ACOT11: variants seen among roughly 807,000 people sequenced by gnomAD.
ACOT11 encodes the protein acyl-coenzyme A thioesterase 11.
Under a neutral mutation model 77.5 loss-of-function variants are expected in ACOT11, and 69 were observed. The ratio of observed to expected loss-of-function variants is 0.89; its 90% CI spans 0.73 to 1.09. The LOEUF is 1.09. Among genes scored for constraint, ACOT11 ranks in the 50% least tolerant of loss-of-function variants. ACOT11 has a pLI of 0.00. For missense variants in ACOT11, 766 were observed against 813.7 expected, an observed-to-expected ratio of 0.94 and a Z score of 0.71; for synonymous variants, 279 against 313.0, an observed-to-expected ratio of 0.89 and a Z score of 1.15.
chr1:54,605,102 C>A lies in ACOT11; in HGVS notation c.1263C>A (p.Asp421Glu). Residue 421 changes from aspartate to glutamate, a missense_variant, in exon 13 of 16, where the codon GAC (aspartate) becomes GAA (glutamate). Physicochemically the swap from Asp to Glu is conservative, Grantham distance 45. Coordinates refer to ENST00000343744, the MANE Select transcript of ACOT11 (RefSeq NM_147161.4). ...TCCGCCTGTACACTCTGGAGGATGA[C>A]AAGTTCCTCTCCTTCCACATGGAGA... The part of the protein sequence containing the change: ...SQVRLYTLED[D>E]KFLSFHMEMV... The A allele has an allele frequency of 6.2e-7, 1 of 1,613,926 alleles. No individual in the cohort carries two copies. Among genetic ancestry groups the A allele is most frequent in the Non-Finnish European group, 8.5e-7 (1 of 1,180,018 alleles).
chr1:54,636,087 T>C (rs1370633265), exon 17 of ACOT11: 1 of 152,256 alleles, frequency 6.6e-6, no homozygotes, highest in East Asian at 1.9e-4. Flanking sequence ...TTAATATCTA[T>C]AGAAACAATG....
In ACOT11 at chr1:54,609,864, G is replaced by C; in HGVS notation, c.*752G>C. On this transcript the variant is annotated 3_prime_UTR_variant, in exon 16 of 16. Coordinates refer to ENST00000343744, the MANE Select transcript of ACOT11 (RefSeq NM_147161.4). ...TCCAGCGTCAGGATGTTGCCACTTG[G>C]AGTATGAACAATGGGCACGGGGTTT... 6.2e-7 allele frequency: 1 copy of C among 1,613,950 alleles called. No individual in the cohort carries two copies. The highest frequency in any genetic ancestry group is 1.7e-5 in the Admixed American group (1 of 60,028).
chr1:54,598,949 A>C (rs1486457304), intron 7 of ACOT11: 1 of 150,010 alleles, frequency 6.7e-6, no homozygotes, highest in Admixed American at 6.7e-5. Context: ...GTTTGCAACC[A>C]TGCTGGCCAA....
intron 15 of ACOT11, 102 bp downstream of exon 15, chr1:54,608,170 C>A: frequency 3.2e-6 from 4 of 1,232,792 alleles, no homozygotes; most frequent in Non-Finnish European, 4.4e-6. Context: ...TCAGAGCTGG[C>A]CCCCCAGCAG....
intron 16 of ACOT11, among the ~76,000 whole-genome samples, chr1:54,631,453 G>A (rs2101033938): frequency 6.6e-6 from 1 of 152,280 alleles, no homozygotes; most frequent in South Asian, 2.1e-4. Flanking sequence ...TACTGACTGG[G>A]ACGCTCTTAC....
At chr1:54,616,764 T>A (rs961039808) in intron 15 of ACOT11, among the ~76,000 whole-genome samples, 1 of 152,212 alleles carries the variant, frequency 6.6e-6, no homozygotes, top group African/African-American at 2.4e-5. Context: ...GATCTTTTTT[T>A]ATGCATCTCT....
chr1:54,599,320 G>A lies in ACOT11; in HGVS notation c.789G>A (p.Thr263=), dbSNP rs1051292426. 8.1e-6 allele frequency: 13 copies of A among 1,602,740 alleles called. No individual in the cohort carries two copies. The highest frequency in any genetic ancestry group is 6.7e-5 in the Admixed American group (4 of 59,358). Residue 263 remains threonine (T), a synonymous_variant, in exon 8 of 16, where the codon ACG becomes ACA. Transcript: ENST00000343744. ...AASRLCRAHP[T]LKAIEMFHFR... The stretch of plus-strand genomic sequence containing the variant: ...GCCGGCTCTGCCGTGCCCACCCTAC[G>A]CTGAAGGCCATTGAAATGTTCCACT...
At chr1:54,630,736 C>T (rs1190738924) in exon 16 of ACOT11, 1 of 729,862 alleles carries the variant, frequency 1.4e-6, no homozygotes, top group Admixed American at 2.1e-5. Context: ...TCCTCTAGTG[C>T]TGCTGGGTTA....
intron 13 of ACOT11, 107 bp downstream of exon 13, chr1:54,605,316 C>T: frequency 2.2e-6 from 3 of 1,371,330 alleles, no homozygotes; most frequent in Non-Finnish European, 2.9e-6. Flanking sequence ...CCTGCTGGGG[C>T]TGGGGGTGGG....
chr1:54,560,882 C>T lies in ACOT11; in HGVS notation c.33+12540C>T, dbSNP rs1479561439. On this transcript the variant is annotated intron_variant, in intron 1 of 15. Transcript: ENST00000343744. ...GATTACAGGCGCCTGCCACCATGCCCGGCTAATTGTTTGTATTTTTAGTAG... is the reference window on the plus strand; with the variant it reads ...GATTACAGGCGCCTGCCACCATGCCTGGCTAATTGTTTGTATTTTTAGTAG... Among the ~76,000 whole-genome samples, 5 of 152,198 alleles carry T rather than the reference C, an allele frequency of 3.3e-5. No homozygotes were observed. In the South Asian group the frequency reaches 6.2e-4, roughly 19 times the overall value.
At chr1:54,637,853 C>A (rs1644339610) in exon 17 of ACOT11, 1 of 152,036 alleles carries the variant, frequency 6.6e-6, no homozygotes, top group African/African-American at 2.4e-5. Flanking sequence ...GGGAAAAAAA[C>A]AATTTCTAGA....
At chr1:54,586,957 A>G (rs983129069) in intron 3 of ACOT11, among the ~76,000 whole-genome samples, 4 of 152,148 alleles carry the variant, frequency 2.6e-5, no homozygotes, top group Non-Finnish European at 5.9e-5. Flanking sequence ...TCAAGTGCCA[A>G]GGGCTTATTC....
At position 54,565,128 on chromosome 1, in the gene ACOT11, G is replaced by T. The variant is rs113038795; in HGVS notation, c.33+16786G>T. 2.7e-3 allele frequency among the ~76,000 whole-genome samples: 412 copies of T among 152,284 alleles called. 2 individuals are homozygous for T. Among genetic ancestry groups the T allele is most frequent in the African/African-American group, 8.0e-3 (331 of 41,572 alleles). ...TCCCCACCCTCCCCTTGCTTTTGAA[G>T]ACTGAACTGGAGCTTCCAGGCAGCA... On this transcript the variant is annotated intron_variant, in intron 1 of 15. Coordinates refer to ENST00000343744, the MANE Select transcript of ACOT11 (RefSeq NM_147161.4).
chr1:54,551,534 G>T (rs1653067065), intron 1 of ACOT11, among the ~76,000 whole-genome samples: 1 of 152,164 alleles, frequency 6.6e-6, no homozygotes, highest in South Asian at 2.1e-4. Flanking sequence ...TGGGCACTGA[G>T]TCTCACATTT....
chr1:54,584,515 C>T lies in ACOT11; in HGVS notation c.34-140C>T, dbSNP rs1208074198. 7 of 743,422 alleles carry T rather than the reference C, an allele frequency of 9.4e-6. No homozygotes were observed. Among genetic ancestry groups the T allele is most frequent in the Non-Finnish European group, 1.5e-5 (7 of 456,292 alleles). 46.1% of individuals were successfully genotyped at this position (743,422 alleles called of 1,614,324 possible). A position where few individuals can be genotyped will look rare whatever the true frequency, so the allele number is the denominator to read the frequency against. The stretch of plus-strand genomic sequence containing the variant: ...ACCACGGGCTGGAGGGTGGTGACCA[C>T]TCTCGGGTTGGGGTCTGGTGGGAGG... On this transcript the variant is annotated intron_variant, in intron 1 of 15. Coordinates refer to ENST00000343744, the MANE Select transcript of ACOT11 (RefSeq NM_147161.4). The surrounding 1 kb of genome is among the most constrained non-coding windows in gnomAD (Gnocchi z 6.3).
Position 54,628,603 on chromosome 1 carries a change from C to A in ACOT11, c.1630-2131C>A, listed in dbSNP as rs187304265. ...GAGCAAGACCCCATCGCCCCCCCCC[C>A]CCAAAAAAGGAAAAAAGAAACCCAT... On this transcript the variant is annotated intron_variant, in intron 15 of 16. Coordinates refer to the ACOT11 transcript ENST00000371316. Among the ~76,000 whole-genome samples, 16 of 123,186 alleles carry A rather than the reference C, an allele frequency of 1.3e-4. 3 individuals carry two copies. The highest frequency in any genetic ancestry group is 2.5e-4 in the Admixed American group (3 of 11,998). The allele number at this position is 123,186 out of a possible 152,430, so 80.8% of individuals were successfully genotyped here. A position where few individuals can be genotyped will look rare whatever the true frequency, so the allele number is the denominator to read the frequency against.
chr1:54,579,136 A>G (rs1654213043), intron 1 of ACOT11, among the ~76,000 whole-genome samples: 1 of 152,224 alleles, frequency 6.6e-6, no homozygotes, highest in African/African-American at 2.4e-5. Flanking sequence ...AGCCTGAGGA[A>G]CAGCCTCCTG....
chr1:54,592,925 G>A (rs1488791366), intron 4 of ACOT11, among the ~76,000 whole-genome samples: 1 of 152,232 alleles, frequency 6.6e-6, no homozygotes, highest in Non-Finnish European at 1.5e-5. Flanking sequence ...GTTTTTGTGG[G>A]AATGGAGGGA....
chr1:54,559,171 C>CG (rs1557645734), intron 1 of ACOT11, among the ~76,000 whole-genome samples: 2 of 152,234 alleles, frequency 1.3e-5, no homozygotes, highest in Admixed American at 6.5e-5. Flanking sequence ...TCTTGGCTAG[C>CG]GGGGCATCTG....
Sources: allele counts gnomAD v4.1 joint callset (sites outside exome capture counted in the v4.1 genomes callset), GRCh38; gene constraint gnomAD v4.1.1; non-coding constraint Gnocchi (gnomAD v3.1); transcripts MANE v1.5; gene names NCBI Gene and HGNC (gene_info 2026-07-23, HGNC 2026-07-21).